CCDC83: variants seen among roughly 807,000 people sequenced by gnomAD.
CCDC83 encodes coiled-coil domain containing 83.
In CCDC83, 54 loss-of-function variants were observed where a neutral mutation model predicts 50.1. The observed-to-expected ratio is 1.08, with a 90% CI of 0.87 to 1.35. CCDC83 has a LOEUF of 1.35. Among genes scored for constraint, CCDC83 ranks in the 40% most tolerant of loss-of-function variants. The pLI is 0.00. For missense variants in CCDC83, 518 were observed against 473.9 expected, an observed-to-expected ratio of 1.09 and a Z score of -0.86; for synonymous variants, 161 against 153.3, an observed-to-expected ratio of 1.05 and a Z score of -0.37.
chr11:85,892,133 C>A (rs775602088), intron 5 of CCDC83, among the ~76,000 whole-genome samples: 20 of 152,208 alleles, frequency 1.3e-4, no homozygotes, highest in Non-Finnish European at 2.5e-4. Context: ...GAGGAGTGAA[C>A]CAAAGCAGAG....
Position 85,917,159 on chromosome 11 carries a change from AG to A in CCDC83, c.1080+927del, listed in dbSNP as rs1194720431. On this transcript the variant is annotated intron_variant, in intron 10 of 10. Transcript: ENST00000342404. Reference sequence around the variant, plus strand: ...AAGAGAGAGAGAGAGAGAGAGAGAGAGAGAGAGAGAAAGAAAGAAAGAAAGA... The same window carrying A: ...AAGAGAGAGAGAGAGAGAGAGAGAGAAGAGAGAGAAAGAAAGAAAGAAAGA... 6.0e-3 allele frequency among the ~76,000 whole-genome samples: 610 copies of A among 101,750 alleles called. 6 individuals carry two copies. The highest frequency in any genetic ancestry group is 0.048 in the East Asian group (190 of 3,944). 66.8% of individuals were successfully genotyped at this position (101,750 alleles called of 152,430 possible). A position where few individuals can be genotyped will look rare whatever the true frequency, so the allele number is the denominator to read the frequency against.
Position 85,916,197 on chromosome 11 carries a change from G to A in CCDC83, c.1044G>A (p.Met348Ile). The A allele has an allele frequency of 6.2e-7, 1 of 1,612,850 alleles. No homozygotes were observed. The highest frequency in any genetic ancestry group is 8.5e-7 in the Non-Finnish European group (1 of 1,179,222). Reference sequence around the variant, plus strand: ...GCACAGAGTTTGGGGACACTGATATGAAGTACTTACTATATGAGGATGAGA... The same window carrying A: ...GCACAGAGTTTGGGGACACTGATATAAAGTACTTACTATATGAGGATGAGA... ...NSGTEFGDTD[M>I]KYLLYEDEKD... The change falls in exon 10 of 11, where the codon ATG becomes ATA. Residue 348 changes from methionine to isoleucine, a missense_variant. Met to Ile is a conservative substitution (Grantham distance 10). Coordinates refer to ENST00000342404, the MANE Select transcript of CCDC83 (RefSeq NM_001286159.2).
Position 85,873,835 on chromosome 11 carries a change from G to A in CCDC83, c.180+540G>A, listed in dbSNP as rs189397020. 1.7e-3 allele frequency among the ~76,000 whole-genome samples: 264 copies of A among 152,206 alleles called. 1 individual carries two copies. Among genetic ancestry groups the A allele is most frequent in the Middle Eastern group, 0.01 (3 of 294 alleles). On this transcript the variant is annotated intron_variant, in intron 3 of 10. Transcript: ENST00000342404. ...TAAAGATCAACAGAAATAAAGTTTG[G>A]GAGCAATCAATGATAATTAACACAA...
chr11:85,914,534 C>T (rs550939519), intron 8 of CCDC83, among the ~76,000 whole-genome samples: 3 of 152,256 alleles, frequency 2.0e-5, no homozygotes, highest in East Asian at 1.9e-4. Context: ...TCCTACTGTT[C>T]GCTTTCTCTT....
intron 3 of CCDC83, among the ~76,000 whole-genome samples, chr11:85,878,809 C>A (rs2093282748): frequency 6.6e-6 from 1 of 152,128 alleles, no homozygotes. Context: ...AAGAGGGATC[C>A]AGTTTCTCCT....
intron 3 of CCDC83, among the ~76,000 whole-genome samples, chr11:85,874,072 T>A (rs556611846): frequency 1.9e-4 from 29 of 152,350 alleles, no homozygotes; most frequent in African/African-American, 1.9e-4. Context: ...GTCATTTTGG[T>A]CAGATTTGGT....
intron 7 of CCDC83, among the ~76,000 whole-genome samples, chr11:85,908,923 G>T (rs987303649): frequency 4.0e-5 from 6 of 151,618 alleles, no homozygotes; most frequent in Non-Finnish European, 7.4e-5. Context: ...CATGTTTTTG[G>T]TTTTTTTGGT....
chr11:85,872,951 TAGAA>T (rs1398827544), intron 2 of CCDC83, among the ~76,000 whole-genome samples: 1 of 152,008 alleles, frequency 6.6e-6, no homozygotes. Flanking sequence ...TATAAACAAT[TAGAA>T]AGTATAAAAT....
rs536664153 is a variant in CCDC83, at chr11:85,903,462, A to ATT, written c.672+4458_672+4459dup. On this transcript the variant is annotated intron_variant, in intron 7 of 10. Transcript: ENST00000342404. ...GGCACATGCCACCACGTTCCATCTA[A>ATT]TTTTTTTTTTTTGTATTTTTAGTAC... is the stretch of plus-strand genomic sequence containing the variant. Among the ~76,000 whole-genome samples, 921 of 143,528 alleles carry ATT rather than the reference A, an allele frequency of 6.4e-3. 9 individuals carry two copies. Among genetic ancestry groups the ATT allele is most frequent in the African/African-American group, 0.022 (875 of 39,480 alleles). The allele number at this position is 143,528 out of a possible 152,430, so 94.2% of individuals were successfully genotyped here.
rs138111587 is a variant in CCDC83 at position 85,861,025 on chromosome 11, C to T, written c.-28-4071C>T. Reference sequence around the variant, plus strand: ...AAAAAAAGTACAAATTGTGGGGCCACAAGGCGAGGTTATTTATCACTAGTT... The same window carrying T: ...AAAAAAAGTACAAATTGTGGGGCCATAAGGCGAGGTTATTTATCACTAGTT... On this transcript the variant is annotated intron_variant, in intron 1 of 10. Coordinates refer to ENST00000342404, the MANE Select transcript of CCDC83 (RefSeq NM_001286159.2). Among the ~76,000 whole-genome samples the T allele has an allele frequency of 3.9e-5, 6 of 152,062 alleles. No individual in the cohort carries two copies. The South Asian group carries it at 1.0e-3, about 26-fold the overall frequency.
At chr11:85,894,145 T>A (rs1246708024) in intron 5 of CCDC83, among the ~76,000 whole-genome samples, 3 of 152,140 alleles carry the variant, frequency 2.0e-5, no homozygotes, top group Non-Finnish European at 4.4e-5. Context: ...GGGGAAAAAT[T>A]GTCTTCCAGG....
chr11:85,884,261 C>A (rs565441864), intron 4 of CCDC83, among the ~76,000 whole-genome samples: 1 of 152,286 alleles, frequency 6.6e-6, no homozygotes, highest in Non-Finnish European at 1.5e-5. Flanking sequence ...AGTAAGAGAA[C>A]AGAAGTGTCT....
intron 1 of CCDC83, among the ~76,000 whole-genome samples, chr11:85,864,097 C>A (rs1331983221): frequency 1.3e-5 from 2 of 152,206 alleles, no homozygotes; most frequent in Non-Finnish European, 2.9e-5. Context: ...AAGCCCATGT[C>A]TGCCTGATTC....
At chr11:85,858,255 G>A (rs1222325157) in intron 1 of CCDC83, among the ~76,000 whole-genome samples, 1 of 152,184 alleles carries the variant, frequency 6.6e-6, no homozygotes, top group Non-Finnish European at 1.5e-5. Context: ...GAAGCTGAAT[G>A]AGGCAATGGC....
At chr11:85,864,575 C>G (rs1014804934) in intron 1 of CCDC83, among the ~76,000 whole-genome samples, 1 of 152,156 alleles carries the variant, frequency 6.6e-6, no homozygotes, top group African/African-American at 2.4e-5. Context: ...TTTAAAAGTA[C>G]TTCAATGTGT....
At chr11:85,894,008 T>C (rs1379783214) in intron 5 of CCDC83, among the ~76,000 whole-genome samples, 1 of 152,198 alleles carries the variant, frequency 6.6e-6, no homozygotes, top group Non-Finnish European at 1.5e-5. Flanking sequence ...GGGCTCCCAC[T>C]GATTCTACAT....
intron 3 of CCDC83, among the ~76,000 whole-genome samples, chr11:85,876,422 G>A (rs1426149018): frequency 2.0e-5 from 3 of 152,294 alleles, no homozygotes; most frequent in Middle Eastern, 3.4e-3. Context: ...ATGTACTATG[G>A]TTATGTGGAA....
chr11:85,883,193 C>T (rs1431990276), intron 4 of CCDC83, among the ~76,000 whole-genome samples: 1 of 152,200 alleles, frequency 6.6e-6, no homozygotes, highest in Admixed American at 6.5e-5. Context: ...TCTGGGATTA[C>T]AGGCGTGAGC....
intron 2 of CCDC83, among the ~76,000 whole-genome samples, chr11:85,866,804 A>G (rs1424330361): frequency 6.6e-6 from 1 of 152,194 alleles, no homozygotes; most frequent in Non-Finnish European, 1.5e-5. Flanking sequence ...CTTTGAGCTG[A>G]TTTCTGGAAA....
Sources: gnomAD v4.1 joint callset for allele counts (sites outside exome capture counted in the v4.1 genomes callset) on GRCh38, gnomAD v4.1.1 for gene constraint, MANE v1.5 for transcripts, NCBI Gene and HGNC (gene_info 2026-07-23, HGNC 2026-07-21) for gene names.